The following GALNT13 variants were observed in gnomAD, a reference collection of about 807,000 sequenced individuals.
GALNT13 encodes the protein UDP-GalNAc:polypeptide N-acetylgalactosaminyltransferase 13.
GALNT13 carries 28 observed loss-of-function variants against 64.2 expected under a neutral mutation model. The ratio of observed to expected loss-of-function variants is 0.44; its 90% confidence interval spans 0.32 to 0.60. The LOEUF is 0.60. Ranked by LOEUF, GALNT13 falls within the 20% of genes least tolerant of loss-of-function variation. The pLI is 0.05. For synonymous variants in GALNT13, 214 were observed against 224.6 expected (o/e 0.95, Z 0.42); for missense variants, 577 against 669.8 (o/e 0.86, Z 1.53).
At chr2:154,143,560 T>C (rs201652222) in intron 4 of GALNT13, among the ~76,000 whole-genome samples, 1 of 142,848 alleles carries the variant, frequency 7.0e-6, no homozygotes. Context: ...TTTTTTTTTT[T>C]CTTTTAAGAA....
At chr2:153,169,095 A>G in the GALNT13 span, among the ~76,000 whole-genome samples, 1 of 152,182 alleles carries the variant, frequency 6.6e-6, no homozygotes, top group Non-Finnish European at 1.5e-5. Flanking sequence ...CCTTTGTATC[A>G]GGAAAGGAAT....
At chr2:153,383,530 A>G in the GALNT13 span, among the ~76,000 whole-genome samples, 1 of 152,120 alleles carries the variant, frequency 6.6e-6, no homozygotes, top group Non-Finnish European at 1.5e-5. Context: ...CAACCTAAAC[A>G]GCATCTTGGT....
chr2:154,101,770 G>T (rs1041635842), intron 3 of GALNT13, among the ~76,000 whole-genome samples: 1 of 151,814 alleles, frequency 6.6e-6, no homozygotes, highest in Admixed American at 6.6e-5. Flanking sequence ...TTTCTTTTTG[G>T]TGTAGACATT....
the GALNT13 span, among the ~76,000 whole-genome samples, chr2:153,281,397 A>T: frequency 6.6e-6 from 1 of 151,878 alleles, no homozygotes; most frequent in Non-Finnish European, 1.5e-5. Flanking sequence ...TAGTATTGGT[A>T]TGAGATGTTT....
chr2:153,873,531 C>T (rs1056473760), intron 1 of GALNT13, among the ~76,000 whole-genome samples: 1 of 152,284 alleles, frequency 6.6e-6, no homozygotes, highest in East Asian at 1.9e-4. Context: ...GGGAAACTAA[C>T]CTCGAAAGGG....
chr2:153,692,641 C>T, the GALNT13 span, among the ~76,000 whole-genome samples: 2 of 152,158 alleles, frequency 1.3e-5, no homozygotes, highest in African/African-American at 4.8e-5. Context: ...TAGCAATGGC[C>T]ACCAGAAGCG....
chr2:154,437,871 A>C (rs1701070459), intron 11 of GALNT13: 8 of 184,118 alleles, frequency 4.3e-5, no homozygotes, highest in South Asian at 3.5e-4. Context: ...AAAAAAAAAA[A>C]CCCTCATGAA....
the GALNT13 span, among the ~76,000 whole-genome samples, chr2:153,781,254 A>G: frequency 3.3e-5 from 5 of 152,194 alleles, no homozygotes; most frequent in African/African-American, 1.2e-4. Flanking sequence ...TTGGATTGAG[A>G]ACAATTGTGA....
intron 4 of GALNT13, 90 bp from the exon 5 acceptor site, chr2:154,241,940 C>G: frequency 1.4e-6 from 1 of 718,356 alleles, no homozygotes; most frequent in Non-Finnish European, 2.1e-6. Flanking sequence ...GCTTTCAAGT[C>G]TGAAGTTGTG....
At chr2:153,701,578 GT>G in the GALNT13 span, among the ~76,000 whole-genome samples, 2 of 151,642 alleles carry the variant, frequency 1.3e-5, no homozygotes, top group Non-Finnish European at 3.0e-5. Context: ...TGAGAGAAAA[GT>G]TTTGCAATCT....
At chr2:153,334,219 A>G in the GALNT13 span, among the ~76,000 whole-genome samples, 2 of 152,240 alleles carry the variant, frequency 1.3e-5, no homozygotes, top group African/African-American at 2.4e-5. Flanking sequence ...ATTGGATTGA[A>G]TGGAAAAATA....
chr2:154,349,442 G>A (rs1354131266), intron 9 of GALNT13, among the ~76,000 whole-genome samples: 5 of 152,180 alleles, frequency 3.3e-5, no homozygotes, highest in Non-Finnish European at 5.9e-5. Context: ...AAATGAACAA[G>A]CTATAAGTCT....
chr2:153,073,947 A>G, the GALNT13 span, among the ~76,000 whole-genome samples: 1 of 152,112 alleles, frequency 6.6e-6, no homozygotes, highest in African/African-American at 2.4e-5. Flanking sequence ...TACTGATTTC[A>G]TCTCATAGTG....
chr2:153,092,166 T>C, the GALNT13 span, among the ~76,000 whole-genome samples: 1 of 152,178 alleles, frequency 6.6e-6, no homozygotes, highest in Non-Finnish European at 1.5e-5. Context: ...TGTGCAGATT[T>C]GTTTCTGAGT....
chr2:153,388,691 G>A, the GALNT13 span, among the ~76,000 whole-genome samples: 1 of 152,062 alleles, frequency 6.6e-6, no homozygotes, highest in Non-Finnish European at 1.5e-5. Flanking sequence ...AAGAATAGGA[G>A]GAACATCAAG....
At chr2:154,254,400 A>G (rs1230247282) in intron 7 of GALNT13, among the ~76,000 whole-genome samples, 1 of 152,156 alleles carries the variant, frequency 6.6e-6, no homozygotes, top group African/African-American at 2.4e-5. Flanking sequence ...TTAGAGGATC[A>G]TCAATTTAGA....
At chr2:153,997,708 T>C (rs1695614660) in intron 3 of GALNT13, among the ~76,000 whole-genome samples, 1 of 152,140 alleles carries the variant, frequency 6.6e-6, no homozygotes, top group Admixed American at 6.6e-5. Context: ...ATTTGTAACA[T>C]AGGTATACAT....
At chr2:154,054,033 C>G (rs1169716137) in intron 3 of GALNT13, among the ~76,000 whole-genome samples, 1 of 152,030 alleles carries the variant, frequency 6.6e-6, no homozygotes, top group Non-Finnish European at 1.5e-5. Flanking sequence ...TTCATTTTGC[C>G]TGTATTTTAT....
the GALNT13 span, among the ~76,000 whole-genome samples, chr2:153,635,872 G>T: frequency 6.6e-6 from 1 of 152,002 alleles, no homozygotes; most frequent in Non-Finnish European, 1.5e-5. Flanking sequence ...TTAAGAAAAG[G>T]CTTTTTGAAA....
Sources: allele counts gnomAD v4.1 joint callset (sites outside exome capture counted in the v4.1 genomes callset), GRCh38; gene constraint gnomAD v4.1.1; transcripts MANE v1.5; gene names NCBI Gene and HGNC (gene_info 2026-07-23, HGNC 2026-07-21).